SYNE3: variants seen among roughly 807,000 people sequenced by gnomAD.
The protein encoded by SYNE3 is nesprin-3.
A neutral mutation model predicts 111.2 loss-of-function variants in SYNE3; 100 were observed. The ratio of observed to expected loss-of-function variants is 0.90; its 90% CI spans 0.77 to 1.06. The LOEUF is 1.06. Among genes scored for constraint, SYNE3 ranks in the 50% least tolerant of loss-of-function variants. SYNE3 has a pLI of 0.00. For synonymous variants in SYNE3, 547 were observed against 533.9 expected (o/e 1.02, Z -0.34); for missense variants, 1,160 against 1,240.3 (o/e 0.94, Z 0.97).
chr14:95,434,673 T>A (rs1885983516), intron 15 of SYNE3, among the ~76,000 whole-genome samples: 1 of 152,208 alleles, frequency 6.6e-6, no homozygotes, highest in Admixed American at 6.5e-5. Context: ...TTTTTTCTTT[T>A]TGAGACAGAG....
chr14:95,455,845 G>A lies in SYNE3; in HGVS notation c.790-121C>T, dbSNP rs10162578. ...CTGATTCCTGGAGTCCTGCGTTAGAGCCAGAGAGGGGCCTTCCCAAGGGCT... is the reference window on the plus strand; with the variant it reads ...CTGATTCCTGGAGTCCTGCGTTAGAACCAGAGAGGGGCCTTCCCAAGGGCT... On this transcript the variant is annotated intron_variant, in intron 5 of 17. Transcript: ENST00000682763. 0.018 allele frequency: 17,550 copies of A among 995,810 alleles called. 1,554 individuals are homozygous for A. The African/African-American group carries it at 0.22, about 12-fold the overall frequency. The allele number at this position is 995,810 out of a possible 1,614,324, so 61.7% of individuals were successfully genotyped here. A position where few individuals can be genotyped will look rare whatever the true frequency, so the allele number is the denominator to read the frequency against.
Position 95,407,365 on chromosome 14 carries a change from C to A in SYNE3, c.*10461G>T, listed in dbSNP as rs943452829. On this transcript the variant is annotated 3_prime_UTR_variant, in exon 18 of 18. Transcript: ENST00000682763. Reference sequence around the variant, plus strand: ...AAAAACGTCAAACCATCTTTTAGAACACTGCTACTTCCAACTTGCACAAAA... The same window carrying A: ...AAAAACGTCAAACCATCTTTTAGAAAACTGCTACTTCCAACTTGCACAAAA... 1.3e-5 allele frequency: 2 copies of A among 152,172 alleles called. No homozygotes were observed. The highest frequency in any genetic ancestry group is 4.8e-5 in the African/African-American group (2 of 41,432). The allele number at this position is 152,172 out of a possible 1,614,324, so 9.4% of individuals were successfully genotyped here. A position where few individuals can be genotyped will look rare whatever the true frequency, so the allele number is the denominator to read the frequency against.
Position 95,455,410 on chromosome 14 carries a change from C to T in SYNE3, c.1104G>A (p.Glu368=). 1 of 1,562,320 alleles carries T rather than the reference C, an allele frequency of 6.4e-7. No homozygotes were observed. Among genetic ancestry groups the T allele is most frequent in the Non-Finnish European group, 8.7e-7 (1 of 1,155,352 alleles). The change falls in exon 6 of 18, where the codon GAG becomes GAA. Residue 368 remains glutamate (E), a synonymous_variant. Coordinates refer to ENST00000682763, the MANE Select transcript of SYNE3 (RefSeq NM_152592.6). ...GLQPAAKAGT[E]DELVAHWRRY... ...GTCTCCAGTGTGCCACCAGCTCGTC[C>T]TCGGTCCCCGCTTTCGCCGCAGGCT...
Position 95,414,747 on chromosome 14 carries a change from T to C in SYNE3, c.*3079A>G, listed in dbSNP as rs1903526629. On this transcript the variant is annotated 3_prime_UTR_variant, in exon 18 of 18. Coordinates refer to ENST00000682763, the MANE Select transcript of SYNE3 (RefSeq NM_152592.6). ...CACACACACACGCCACAGCGCCACC[T>C]TTCTCAAGTAGCACCTTAAAGCTCT... 6.7e-6 allele frequency: 1 copy of C among 148,954 alleles called. No individual in the cohort carries two copies. Among genetic ancestry groups the C allele is most frequent in the Non-Finnish European group, 1.5e-5 (1 of 67,548 alleles). The allele number at this position is 148,954 out of a possible 1,614,324, so 9.2% of individuals were successfully genotyped here.
chr14:95,488,261 A>G (rs1269048333), intron 1 of SYNE3, among the ~76,000 whole-genome samples: 2 of 151,712 alleles, frequency 1.3e-5, no homozygotes, highest in Admixed American at 1.3e-4. Context: ...GGTCAACTGT[A>G]CTCTTTTTAG....
At chr14:95,439,478 G>A (rs1272851890) in intron 13 of SYNE3, 134 bp downstream of exon 13, 5 of 1,208,624 alleles carry the variant, frequency 4.1e-6, no homozygotes, top group Non-Finnish European at 5.9e-6. Flanking sequence ...CTGGGCCAAA[G>A]TGTGAAGGTG....
Position 95,450,118 on chromosome 14 carries a change from T to C in SYNE3, c.1275-13A>G. The C allele has an allele frequency of 6.4e-7, 1 of 1,567,594 alleles. No individual in the cohort carries two copies. The highest frequency in any genetic ancestry group is 8.7e-7 in the Non-Finnish European group (1 of 1,154,972). On this transcript the variant is annotated splice_polypyrimidine_tract_variant and intron_variant, in intron 7 of 17. Coordinates refer to ENST00000682763, the MANE Select transcript of SYNE3 (RefSeq NM_152592.6). ...CTTCACCTTCAGGCTGCAAGGAGCG[T>C]GGAGGGAGAAAATGAGGGAGGAGAG...
Position 95,411,296 on chromosome 14 carries a change from GAACATCCT to G in SYNE3, c.*6522_*6529del, listed in dbSNP as rs34404521. ...GAAGGAAAAATGATTTTTTGATTGGGAACATCCTAATTTTAACATAAATTCAAAAAAAA... is the reference window on the plus strand; with the variant it reads ...GAAGGAAAAATGATTTTTTGATTGGGAATTTTAACATAAATTCAAAAAAAA... On this transcript the variant is annotated 3_prime_UTR_variant, in exon 18 of 18. Transcript: ENST00000682763. 82,130 of 147,648 alleles carry G rather than the reference GAACATCCT, an allele frequency of 0.56. 23,025 individuals carry two copies. Among genetic ancestry groups the G allele is most frequent in the East Asian group, 0.78 (3,959 of 5,052 alleles). 9.1% of individuals were successfully genotyped at this position (147,648 alleles called of 1,614,324 possible). A position where few individuals can be genotyped will look rare whatever the true frequency, so the allele number is the denominator to read the frequency against.
chr14:95,452,132 A>G, intron 7 of SYNE3, 115 bp downstream of exon 7: 14 of 1,284,618 alleles, frequency 1.1e-5, no homozygotes, highest in Middle Eastern at 2.0e-4. Flanking sequence ...GAGAGGTACA[A>G]AGAATGATTT....
At chr14:95,480,296 T>C (rs1267503873) in intron 1 of SYNE3, among the ~76,000 whole-genome samples, 1 of 152,184 alleles carries the variant, frequency 6.6e-6, no homozygotes, top group Non-Finnish European at 1.5e-5. Flanking sequence ...TTCTGGGTCA[T>C]GCTGGCGCTG....
chr14:95,466,115 T>A lies in SYNE3; in HGVS notation c.443A>T (p.Glu148Val). The change falls in exon 4 of 18, where the codon GAG (glutamate) becomes GTG (valine). Residue 148 changes from glutamate to valine, a missense_variant. By Grantham distance (121) the Glu-to-Val change is moderately radical (BLOSUM62 -2). Transcript: ENST00000682763. ...GGCGTGGCTCAGCTGCCACTGCTTC[T>A]CCTTCAGGCCCAGCTGGAGCTCGAT... ...PHIELQLGLK[E>V]KQWQLSHAQV... is the part of the protein sequence containing the mutation. The A allele has an allele frequency of 6.2e-7, 1 of 1,612,830 alleles. No individual in the cohort carries two copies.
rs754007150 is a variant in SYNE3 at position 95,467,113 on chromosome 14, G to A, written c.317+682C>T. Among the ~76,000 whole-genome samples the A allele has an allele frequency of 3.3e-5, 5 of 152,166 alleles. No individual in the cohort carries two copies. In the East Asian group the frequency reaches 7.7e-4, roughly 23 times the overall value. On this transcript the variant is annotated intron_variant, in intron 3 of 17. Coordinates refer to ENST00000682763, the MANE Select transcript of SYNE3 (RefSeq NM_152592.6). ...AGTCACTGTGTTAGGAATTTCCAGC[G>A]CAAGGATTTAGAAAGCAGGAAGCAC...
At chr14:95,457,589 C>T (rs1293215043) in intron 4 of SYNE3, among the ~76,000 whole-genome samples, 1 of 152,232 alleles carries the variant, frequency 6.6e-6, no homozygotes, top group East Asian at 1.9e-4. Flanking sequence ...CACTATGCAG[C>T]TGGCTTTCTT....
rs556818166 is a variant in SYNE3 at position 95,445,921 on chromosome 14, T to G, written c.1620A>C (p.Lys540Asn). Reference sequence around the variant, plus strand: ...TGGTGCTGCACACCTGCAGTTTGCTTTTCCTCTGCAGGAGGCTGTTATGCA... The same window carrying G: ...TGGTGCTGCACACCTGCAGTTTGCTGTTCCTCTGCAGGAGGCTGTTATGCA... The part of the protein sequence containing the change: ...DLLHNSLLQR[K>N]SKLQSLLAQH... The change falls in exon 9 of 18, where the codon AAA (lysine) becomes AAC (asparagine). Residue 540 changes from lysine to asparagine, a missense_variant. Transcript: ENST00000682763. The G allele has an allele frequency of 2.9e-5, 46 of 1,613,880 alleles. No individual in the cohort carries two copies. The East Asian group carries it at 9.4e-4, about 33-fold the overall frequency.
chr14:95,439,944 C>A lies in SYNE3; in HGVS notation c.2043G>T (p.Gly681=). The part of the protein sequence containing the change: ...LEAHRGEAGP[G]DAESQEAEFE... Reference sequence around the variant, plus strand: ...ACTCGGCCTCTTGGGACTCGGCATCCCCCGGGCCCGCCTCTCCCCGGTGTG... The same window carrying A: ...ACTCGGCCTCTTGGGACTCGGCATCACCCGGGCCCGCCTCTCCCCGGTGTG... Residue 681 remains glycine, a synonymous_variant, in exon 12 of 18, where the codon GGG becomes GGT. Coordinates refer to ENST00000682763, the MANE Select transcript of SYNE3 (RefSeq NM_152592.6). The A allele has an allele frequency of 6.2e-7, 1 of 1,613,690 alleles. No individual in the cohort carries two copies.
chr14:95,425,561 C>T (rs1885384639), intron 17 of SYNE3, among the ~76,000 whole-genome samples: 1 of 152,160 alleles, frequency 6.6e-6, no homozygotes, highest in Non-Finnish European at 1.5e-5. Context: ...ATAGGTTGTA[C>T]AATACCAAGA....
intron 4 of SYNE3, 46 bp downstream of exon 4, chr14:95,465,885 C>T (rs769679388): frequency 3.3e-6 from 5 of 1,522,774 alleles, no homozygotes; most frequent in East Asian, 2.3e-5. Flanking sequence ...AGGGTGGATA[C>T]ATGGATGGGT....
At chr14:95,501,693 G>A (rs1890340758) in intron 1 of SYNE3, among the ~76,000 whole-genome samples, 1 of 152,210 alleles carries the variant, frequency 6.6e-6, no homozygotes, top group African/African-American at 2.4e-5. Context: ...TGAAGGGACA[G>A]TGGAGGAGGT....
At position 95,444,523 on chromosome 14, in the gene SYNE3, C is replaced by G. The variant is rs1886593182; in HGVS notation, c.1738G>C (p.Asp580His). 2 of 1,613,374 alleles carry G rather than the reference C, an allele frequency of 1.2e-6. No individual in the cohort carries two copies. The highest frequency in any genetic ancestry group is 1.7e-6 in the Non-Finnish European group (2 of 1,179,594). ...RVQAEKGLQR[D>H]LPGKQAQLSR... ...AGCTGGGCCTGTTTTCCAGGAAGGT[C>G]CCGCTGAAGCCCCTTCTCGGCTTGG... The change falls in exon 10 of 18, where the codon GAC becomes CAC. Residue 580 changes from aspartate (D) to histidine (H), a missense_variant. Transcript: ENST00000682763.
Sources: allele counts gnomAD v4.1 joint callset (sites outside exome capture counted in the v4.1 genomes callset), GRCh38; gene constraint gnomAD v4.1.1; transcripts MANE v1.5; gene names NCBI Gene and HGNC (gene_info 2026-07-23, HGNC 2026-07-21).